Variants in ADAM7 observed in about 807,000 individuals in gnomAD.
ADAM7 encodes the protein disintegrin and metalloproteinase domain-containing protein 7.
In ADAM7, 97 loss-of-function variants were observed where a neutral mutation model predicts 102.9. The observed-to-expected ratio is 0.94, with a 90% CI of 0.80 to 1.12. The LOEUF (loss-of-function observed/expected upper bound fraction) is 1.12, where lower values mean the gene tolerates loss of function less well. ADAM7 is among the 50% of genes most tolerant of loss of function. ADAM7 has a pLI of 0.00. For missense variants in ADAM7, 991 were observed against 908.7 expected (o/e 1.09, Z -1.16); for synonymous variants, 334 against 304.4 (o/e 1.10, Z -1.01).
Position 24,492,565 on chromosome 8 carries a change from C to T in ADAM7, c.1623C>T (p.Asn541=), listed in dbSNP as rs772043355. The stretch of plus-strand genomic sequence containing the variant: ...GAAATAAATTTGGATACTGCAAAAA[C>T]AAGGAAAACAGATTTCTTCCCTGTG... ...TKGNKFGYCK[N]KENRFLPCEE... The change falls in exon 15 of 22, where the codon AAC becomes AAT. Residue 541 remains asparagine (N), a synonymous_variant. Transcript: ENST00000175238. 8.1e-6 allele frequency: 13 copies of T among 1,612,766 alleles called. No homozygotes were observed. The highest frequency in any genetic ancestry group is 2.2e-5 in the South Asian group (2 of 90,896).
At chr8:24,482,748 C>CAATA (rs1430094366) in intron 9 of ADAM7, among the ~76,000 whole-genome samples, 1 of 151,908 alleles carries the variant, frequency 6.6e-6, no homozygotes, top group African/African-American at 2.4e-5. Context: ...GACCCTGTCT[C>CAATA]AATAAATAAA....
At chr8:24,496,400 T>C (rs184838237) in intron 16 of ADAM7, among the ~76,000 whole-genome samples, 86 of 152,294 alleles carry the variant, frequency 5.6e-4, no homozygotes, top group African/African-American at 2.0e-3. Context: ...TGCTGAGGCA[T>C]TGCCTAGTGG....
intron 7 of ADAM7, among the ~76,000 whole-genome samples, chr8:24,472,111 T>C (rs1178504238): frequency 1.0e-5 from 1 of 99,854 alleles, no homozygotes; most frequent in East Asian, 2.9e-4. Flanking sequence ...CAACAAAGTA[T>C]AAAAAGATAA....
In ADAM7 at chr8:24,508,896, T is replaced by C. The variant is rs1183275500; in HGVS notation, c.*350T>C. ...AAACTTTAAGGATGATAACTTACAG[T>C]CTAAGAAGAAAACATTGCATATAAA... On this transcript the variant is annotated 3_prime_UTR_variant, in exon 22 of 22. Coordinates refer to ENST00000175238, the MANE Select transcript of ADAM7 (RefSeq NM_003817.4). 2.7e-6 allele frequency: 3 copies of C among 1,118,916 alleles called. No homozygotes were observed. The highest frequency in any genetic ancestry group is 9.5e-5 in the Admixed American group (2 of 21,116). The allele number at this position is 1,118,916 out of a possible 1,614,324, so 69.3% of individuals were successfully genotyped here.
At chr8:24,485,057 G>A (rs1439928119) in intron 9 of ADAM7, among the ~76,000 whole-genome samples, 1 of 151,848 alleles carries the variant, frequency 6.6e-6, no homozygotes, top group East Asian at 1.9e-4. Flanking sequence ...ACCTGCCTCG[G>A]CCTCCCAAGT....
Position 24,441,164 on chromosome 8 carries a change from T to C in ADAM7, c.52+4T>C, listed in dbSNP as rs1818360370. The C allele has an allele frequency of 3.1e-6, 5 of 1,611,056 alleles. No homozygotes were observed. Among genetic ancestry groups the C allele is most frequent in the African/African-American group, 1.3e-5 (1 of 74,978 alleles). On this transcript the variant is annotated splice_donor_region_variant and intron_variant, in intron 1 of 21. Transcript: ENST00000175238. Reference sequence around the variant, plus strand: ...TTACTCATTCCTCAGGTTAAAGGTATGTCTTGCTCTTTTTATCAGGACTTT... The same window carrying C: ...TTACTCATTCCTCAGGTTAAAGGTACGTCTTGCTCTTTTTATCAGGACTTT...
intron 3 of ADAM7, among the ~76,000 whole-genome samples, chr8:24,463,297 A>G: frequency 6.6e-6 from 1 of 152,130 alleles, no homozygotes; most frequent in South Asian, 2.1e-4. Flanking sequence ...AGAAAAAATT[A>G]TTCAGTGACA....
chr8:24,466,725 A>C, intron 5 of ADAM7, 74 bp from the exon 6 acceptor site: 2 of 1,424,850 alleles, frequency 1.4e-6, no homozygotes, highest in Non-Finnish European at 1.9e-6. Context: ...CTCTTTCTTG[A>C]AAAGGCAAAG....
chr8:24,463,821 G>C (rs1027456632), intron 3 of ADAM7, 61 bp from the exon 4 acceptor site: 106 of 1,397,312 alleles, frequency 7.6e-5, no homozygotes, highest in Non-Finnish European at 1.0e-4. Context: ...CACATTATAG[G>C]TTTTATCTGT....
At chr8:24,444,323 G>C (rs565734062) in intron 2 of ADAM7, among the ~76,000 whole-genome samples, 2 of 151,100 alleles carry the variant, frequency 1.3e-5, no homozygotes, top group Non-Finnish European at 3.0e-5. Flanking sequence ...ACTTCTTCTG[G>C]GAGAGGAATC....
At chr8:24,471,081 C>G (rs567582823) in intron 7 of ADAM7, among the ~76,000 whole-genome samples, 16 of 149,854 alleles carry the variant, frequency 1.1e-4, no homozygotes, top group African/African-American at 3.7e-4. Flanking sequence ...TAGCTTTTAA[C>G]AAAAAAAGTT....
At chr8:24,477,041 C>A (rs1819790696) in intron 8 of ADAM7, among the ~76,000 whole-genome samples, 1 of 152,094 alleles carries the variant, frequency 6.6e-6, no homozygotes, top group Non-Finnish European at 1.5e-5. Context: ...GATAAAGAGA[C>A]CCCATAAGAA....
chr8:24,449,913 TC>T (rs1358058019), intron 3 of ADAM7, among the ~76,000 whole-genome samples: 1 of 152,218 alleles, frequency 6.6e-6, no homozygotes, highest in Non-Finnish European at 1.5e-5. Context: ...GGGAATCCTT[TC>T]CCCATTGCTT....
At chr8:24,501,911 G>C (rs554284059) in intron 20 of ADAM7, among the ~76,000 whole-genome samples, 19 of 152,216 alleles carry the variant, frequency 1.2e-4, no homozygotes, top group African/African-American at 4.6e-4. Flanking sequence ...AAAGAACTGA[G>C]CTGGGCGCAG....
chr8:24,497,033 G>A (rs1460845029), intron 16 of ADAM7, among the ~76,000 whole-genome samples: 1 of 152,182 alleles, frequency 6.6e-6, no homozygotes, highest in East Asian at 1.9e-4. Flanking sequence ...GGGACCCACT[G>A]GGAGGTAAGT....
At chr8:24,506,202 C>A in intron 20 of ADAM7, 2 of 1,383,720 alleles carry the variant, frequency 1.4e-6, no homozygotes, top group Non-Finnish European at 2.0e-6. Context: ...ATGTCCTTTC[C>A]AATAATAATT....
At chr8:24,498,276 C>T (rs1475387963) in intron 16 of ADAM7, among the ~76,000 whole-genome samples, 3 of 151,324 alleles carry the variant, frequency 2.0e-5, no homozygotes, top group Non-Finnish European at 4.4e-5. Context: ...TTTACTCAAT[C>T]AAAAACTTGA....
intron 16 of ADAM7, among the ~76,000 whole-genome samples, chr8:24,497,462 G>A (rs1351936286): frequency 1.3e-5 from 2 of 152,110 alleles, no homozygotes; most frequent in African/African-American, 2.4e-5. Flanking sequence ...TATATGTAAT[G>A]TGGCCAGTAA....
Position 24,485,321 on chromosome 8 carries a change from G to C in ADAM7, c.920G>C (p.Gly307Ala). The part of the protein sequence containing the change: ...YSHVQGISYP[G>A]GMCLPYYSTS... The stretch of plus-strand genomic sequence containing the variant: ...CATGTGCAAGGAATTTCTTATCCAG[G>C]GGGTATGTGCCTGCCCTATTATTCC... The change falls in exon 10 of 22, where the codon GGG becomes GCG. Residue 307 changes from glycine (G) to alanine (A), a missense_variant. Physicochemically the swap from Gly to Ala is moderately conservative, Grantham distance 60. Coordinates refer to ENST00000175238, the MANE Select transcript of ADAM7 (RefSeq NM_003817.4). The C allele has an allele frequency of 1.2e-6, 2 of 1,613,568 alleles. No homozygotes were observed. Among genetic ancestry groups the C allele is most frequent in the Non-Finnish European group, 1.7e-6 (2 of 1,179,742 alleles).
Sources: gnomAD v4.1 joint callset for allele counts (sites outside exome capture counted in the v4.1 genomes callset) on GRCh38, gnomAD v4.1.1 for gene constraint, MANE v1.5 for transcripts, NCBI Gene and HGNC (gene_info 2026-07-23, HGNC 2026-07-21) for gene names.